PCNX2: variants seen among roughly 807,000 people sequenced by gnomAD.
The protein encoded by PCNX2 is pecanex-like protein 2.
In PCNX2, 168 loss-of-function variants were observed where a neutral mutation model predicts 223.8. The observed-to-expected ratio is 0.75, with a 90% CI of 0.66 to 0.85. PCNX2 has a LOEUF of 0.85. Ranked by LOEUF, PCNX2 falls within the 40% of genes least tolerant of loss-of-function variation. The pLI, the probability that PCNX2 is intolerant of heterozygous loss-of-function variation, is 0.00. For synonymous variants in PCNX2, 1,006 were observed against 1,052.6 expected (o/e 0.96, Z 0.86); for missense variants, 2,507 against 2,675.5 (o/e 0.94, Z 1.39).
intron 23 of PCNX2, among the ~76,000 whole-genome samples, chr1:233,084,602 C>T (rs1673510450): frequency 6.6e-6 from 1 of 152,120 alleles, no homozygotes; most frequent in Admixed American, 6.5e-5. Flanking sequence ...TGGGAGTTTT[C>T]ATTATTTTAG....
At chr1:233,048,540 A>G (rs1161149689) in intron 25 of PCNX2, among the ~76,000 whole-genome samples, 2 of 152,216 alleles carry the variant, frequency 1.3e-5, no homozygotes, top group Non-Finnish European at 2.9e-5. Context: ...TCATAGTGCT[A>G]AATGCCTACC....
At chr1:233,097,595 T>C (rs1195648815) in intron 21 of PCNX2, among the ~76,000 whole-genome samples, 1 of 152,204 alleles carries the variant, frequency 6.6e-6, no homozygotes, top group African/African-American at 2.4e-5. Flanking sequence ...GAATCCATTT[T>C]AGATGGGACT....
intron 21 of PCNX2, among the ~76,000 whole-genome samples, chr1:233,100,162 C>T (rs1021931035): frequency 6.6e-6 from 1 of 152,118 alleles, no homozygotes; most frequent in African/African-American, 2.4e-5. Context: ...CCTGTAATCC[C>T]AGCACTTTGG....
intron 28 of PCNX2, among the ~76,000 whole-genome samples, chr1:233,013,716 T>C (rs1022380149): frequency 6.6e-6 from 1 of 152,212 alleles, no homozygotes; most frequent in Non-Finnish European, 1.5e-5. Flanking sequence ...AGAGGCCCCC[T>C]TTCTTCTCTA....
chr1:233,025,117 C>A (rs1419054819), intron 26 of PCNX2, 29 bp downstream of exon 26: 1 of 1,612,006 alleles, frequency 6.2e-7, no homozygotes, highest in Non-Finnish European at 8.5e-7. Flanking sequence ...AGCATTTCTG[C>A]CTTAGGTGTT....
chr1:233,146,195 T>TA (rs1229273137), intron 19 of PCNX2, among the ~76,000 whole-genome samples: 10 of 152,102 alleles, frequency 6.6e-5, no homozygotes, highest in Non-Finnish European at 1.2e-4. Flanking sequence ...CATCATAGAG[T>TA]AATTATTCAC....
intron 10 of PCNX2, among the ~76,000 whole-genome samples, chr1:233,224,552 T>C (rs977714556): frequency 8.5e-5 from 13 of 152,214 alleles, no homozygotes; most frequent in Non-Finnish European, 1.3e-4. Context: ...TTGTTTTTAT[T>C]ATGCATATTA....
chr1:232,986,196 C>G lies in PCNX2; in HGVS notation c.6136G>C (p.Gly2046Arg), dbSNP rs1027676358. The G allele has an allele frequency of 6.4e-7, 1 of 1,560,254 alleles. No individual in the cohort carries two copies. ...RSFSSALVIS[G>R]LSAAEGGNTS... ...TTGCCCCCCTCCGCAGCAGAGAGTC[C>G]GGAAATGACGAGCGCGCTGGAAAAG... Residue 2046 changes from glycine to arginine, a missense_variant, in exon 33 of 34, where the codon GGA becomes CGA. Transcript: ENST00000258229.
chr1:233,251,567 A>G (rs1275363962), intron 7 of PCNX2, among the ~76,000 whole-genome samples: 4 of 152,214 alleles, frequency 2.6e-5, no homozygotes, highest in Non-Finnish European at 4.4e-5. Context: ...AGAAACTGTA[A>G]TGACAACCGC....
chr1:233,321,110 C>T, the PCNX2 span, among the ~76,000 whole-genome samples: 61 of 149,744 alleles, frequency 4.1e-4, no homozygotes, highest in East Asian at 2.6e-3. Context: ...GCTCCGCCTC[C>T]GGGGTTCACG....
chr1:233,297,158 C>T (rs1351651919), upstream of PCNX2, among the ~76,000 whole-genome samples: 1 of 152,206 alleles, frequency 6.6e-6, no homozygotes, highest in African/African-American at 2.4e-5. Flanking sequence ...ATCAACTCCA[C>T]ATTAAAGGAG....
At chr1:233,123,334 C>G (rs904848412) in intron 21 of PCNX2, among the ~76,000 whole-genome samples, 4 of 152,086 alleles carry the variant, frequency 2.6e-5, no homozygotes, top group African/African-American at 9.7e-5. Context: ...GTAATCCCAG[C>G]ACTTTGGGAG....
intron 17 of PCNX2, among the ~76,000 whole-genome samples, chr1:233,173,211 G>A (rs1441079652): frequency 1.4e-5 from 2 of 146,678 alleles, no homozygotes; most frequent in Non-Finnish European, 3.0e-5. Context: ...CACTCTTGTT[G>A]CCCAGGCTGG....
At chr1:233,197,101 G>A (rs144723253) in intron 15 of PCNX2, among the ~76,000 whole-genome samples, 1 of 152,294 alleles carries the variant, frequency 6.6e-6, no homozygotes, top group Non-Finnish European at 1.5e-5. Context: ...ATGGTGGCCA[G>A]AGGCTGGAGA....
At chr1:233,286,501 C>T (rs1456031252) in intron 1 of PCNX2, among the ~76,000 whole-genome samples, 1 of 152,064 alleles carries the variant, frequency 6.6e-6, no homozygotes, top group Non-Finnish European at 1.5e-5. Flanking sequence ...AATATGTGGA[C>T]GTTGACATGG....
At chr1:233,080,812 C>CAATCCTCAAAGTG (rs1673325867) in intron 23 of PCNX2, among the ~76,000 whole-genome samples, 2 of 152,188 alleles carry the variant, frequency 1.3e-5, no homozygotes, top group Admixed American at 1.3e-4. Context: ...CAGTCCACTG[C>CAATCCTCAAAGTG]AATCCTCAAA....
At chr1:233,103,450 C>T (rs74916983) in intron 21 of PCNX2, among the ~76,000 whole-genome samples, 2,545 of 152,132 alleles carry the variant, frequency 0.017, 29 homozygotes, top group East Asian at 0.043. Context: ...CCCAACCCAG[C>T]CTCTGGTAAC....
intron 21 of PCNX2, among the ~76,000 whole-genome samples, chr1:233,114,777 A>T (rs1675312690): frequency 6.6e-6 from 1 of 152,122 alleles, no homozygotes; most frequent in African/African-American, 2.4e-5. Flanking sequence ...ACTCCTAGGA[A>T]CATTTAAATG....
intron 10 of PCNX2, among the ~76,000 whole-genome samples, chr1:233,218,397 C>T (rs751089723): frequency 6.4e-4 from 94 of 147,900 alleles, no homozygotes; most frequent in Non-Finnish European, 5.9e-4. Flanking sequence ...TACAGGCACC[C>T]GCCACCAAGC....
Sources: allele counts gnomAD v4.1 joint callset (sites outside exome capture counted in the v4.1 genomes callset), GRCh38; gene constraint gnomAD v4.1.1; transcripts MANE v1.5; gene names NCBI Gene and HGNC (gene_info 2026-07-23, HGNC 2026-07-21).